Variants in CACNA1B observed in about 807,000 individuals in gnomAD.
CACNA1B encodes calcium voltage-gated channel subunit alpha1 B.
In CACNA1B, 70 loss-of-function variants were observed where a neutral mutation model predicts 247.2. That is an observed-to-expected ratio of 0.28 (90% CI 0.23 to 0.35). The LOEUF (loss-of-function observed/expected upper bound fraction) is 0.35, where lower values mean the gene tolerates loss of function less well. Ranked by LOEUF, CACNA1B falls within the 10% of genes least tolerant of loss-of-function variation. The pLI, the probability that CACNA1B is intolerant of heterozygous loss-of-function variation, is 1.00. For missense variants in CACNA1B, 2,367 were observed against 3,197.4 expected (o/e 0.74, Z 6.26); for synonymous variants, 1,231 against 1,294.4 (o/e 0.95, Z 1.05).
At chr9:138,096,460 C>G (rs1961059727) in intron 36 of CACNA1B, 24 bp from the exon 37 acceptor site, 2 of 1,610,138 alleles carry the variant, frequency 1.2e-6, no homozygotes, top group East Asian at 2.2e-5. Context: ...CTCTCCGTCA[C>G]CTGTTCTCCT....
In CACNA1B at chr9:138,121,512, G is replaced by C. The variant is rs1354610987; in HGVS notation, c.6533G>C (p.Gly2178Ala). ...VNGSPLLSTS[G>A]ASTPGRGGRR... ...GGGAGCCCCTTGCTGTCAACATCTG[G>C]TGCTAGCACCCCCGGCCGCGGTGGG... The change falls in exon 47 of 47, where the codon GGT (glycine) becomes GCT (alanine). Residue 2178 changes from glycine to alanine, a missense_variant. Physicochemically the swap from Gly to Ala is moderately conservative, Grantham distance 60. Around this residue, in one of 12 missense-constraint regions of CACNA1B, gnomAD observed 773 missense variants for 779.4 expected, o/e 0.99. Coordinates refer to ENST00000371372, the MANE Select transcript of CACNA1B (RefSeq NM_000718.4). The surrounding 1 kb of genome is among the most constrained non-coding windows in gnomAD (Gnocchi z 6.8). 2.6e-6 allele frequency: 4 copies of C among 1,565,884 alleles called. No homozygotes were observed. The highest frequency in any genetic ancestry group is 3.5e-6 in the Non-Finnish European group (4 of 1,154,004).
chr9:138,065,386 G>A (rs1236375273), intron 31 of CACNA1B, among the ~76,000 whole-genome samples: 3 of 152,124 alleles, frequency 2.0e-5, no homozygotes, highest in Non-Finnish European at 4.4e-5. Context: ...GGGAGGGTGA[G>A]TACCATCGTG....
chr9:137,898,840 C>T lies in CACNA1B; in HGVS notation c.531-14340C>T, dbSNP rs142069095. Among the ~76,000 whole-genome samples, 49 of 152,086 alleles carry T rather than the reference C, an allele frequency of 3.2e-4. No individual in the cohort carries two copies. In the East Asian group the frequency reaches 9.1e-3, roughly 28 times the overall value. ...GGGACTATAGGCACCCGTCCCCATG[C>T]CCACTTAATTTTTTGTATTTTTAGT... is the stretch of plus-strand genomic sequence containing the variant. On this transcript the variant is annotated intron_variant, in intron 3 of 46. Transcript: ENST00000371372.
rs981023671 is a variant in CACNA1B, at chr9:138,047,095, A to G, written c.3543+62A>G. 7.5e-6 allele frequency: 11 copies of G among 1,472,804 alleles called. No individual in the cohort carries two copies. The African/African-American group carries it at 9.8e-5, about 13-fold the overall frequency. 91.2% of individuals were successfully genotyped at this position (1,472,804 alleles called of 1,614,324 possible). A position where few individuals can be genotyped will look rare whatever the true frequency, so the allele number is the denominator to read the frequency against. ...TGGCGGGGGAGCTGGGTGCCTTCCC[A>G]GGGGCCCAAGGGGCTGGGGTGGGGC... is the stretch of plus-strand genomic sequence containing the variant. On this transcript the variant is annotated intron_variant, in intron 22 of 46. Coordinates refer to ENST00000371372, the MANE Select transcript of CACNA1B (RefSeq NM_000718.4).
At chr9:138,083,166 A>G (rs534138748) in intron 36 of CACNA1B, among the ~76,000 whole-genome samples, 6 of 151,130 alleles carry the variant, frequency 4.0e-5, no homozygotes, top group Non-Finnish European at 8.8e-5. Flanking sequence ...CCTGTGGCCC[A>G]CGTGGCTACT....
intron 18 of CACNA1B, chr9:138,017,181 T>C: frequency 1.9e-6 from 1 of 519,114 alleles, no homozygotes; most frequent in Middle Eastern, 3.2e-4. Context: ...GCAGCTCATC[T>C]GTCTCCAGCG....
chr9:137,913,491 C>T lies in CACNA1B; in HGVS notation c.622+220C>T, dbSNP rs1589001429. On this transcript the variant is annotated intron_variant, in intron 4 of 46. Transcript: ENST00000371372. The surrounding 1 kb of genome is among the most constrained non-coding windows in gnomAD (Gnocchi z 5.2). ...GGGTGATGCTGTTATTTTACCCTGA[C>T]CTGGCTTCCCTAGATGGAAGCTTTG... 1.3e-5 allele frequency among the ~76,000 whole-genome samples: 2 copies of T among 152,288 alleles called. No individual in the cohort carries two copies. The highest frequency in any genetic ancestry group is 6.5e-5 in the Admixed American group (1 of 15,298).
At chr9:138,118,108 C>CCCCGG (rs2131370885) in intron 43 of CACNA1B, 27 bp downstream of exon 43, 1 of 1,141,582 alleles carries the variant, frequency 8.8e-7, no homozygotes, top group East Asian at 7.0e-5. Flanking sequence ...GCTAGTGAGA[C>CCCCGG]TGGGTTGGGG....
rs985832442 is a variant in CACNA1B at position 137,955,066 on chromosome 9, C to T, written c.1071-632C>T. Reference sequence around the variant, plus strand: ...CTCAGGCGGGGCTGGGGTGAGATGTCGGGGGCCAATGACAGAAGGTCTCCT... The same window carrying T: ...CTCAGGCGGGGCTGGGGTGAGATGTTGGGGGCCAATGACAGAAGGTCTCCT... On this transcript the variant is annotated intron_variant, in intron 7 of 46. Transcript: ENST00000371372. This position sits in a 1 kb window ranked among gnomAD's most constrained non-coding sequence, Gnocchi z 6.9. 2.6e-5 allele frequency among the ~76,000 whole-genome samples: 4 copies of T among 152,036 alleles called. No homozygotes were observed. Among genetic ancestry groups the T allele is most frequent in the African/African-American group, 9.7e-5 (4 of 41,440 alleles).
intron 19 of CACNA1B, among the ~76,000 whole-genome samples, chr9:138,024,675 G>A (rs1315724512): frequency 6.6e-6 from 1 of 152,132 alleles, no homozygotes; most frequent in Non-Finnish European, 1.5e-5. Context: ...GTCGCCCAGG[G>A]TGGAGTGCAG....
chr9:137,879,298 C>A, intron 2 of CACNA1B, 139 bp downstream of exon 2: 1 of 624,830 alleles, frequency 1.6e-6, no homozygotes, highest in Non-Finnish European at 2.8e-6. Context: ...AAAAGGTAGG[C>A]CTGGCAGATA....
chr9:138,044,861 CAT>C (rs1010132194), intron 21 of CACNA1B, among the ~76,000 whole-genome samples: 5 of 152,258 alleles, frequency 3.3e-5, no homozygotes, highest in African/African-American at 4.8e-5. Context: ...ATCCAACACA[CAT>C]GTCTTGGGAG....
At chr9:137,991,850 A>G (rs1017662476) in intron 15 of CACNA1B, among the ~76,000 whole-genome samples, 1 of 152,240 alleles carries the variant, frequency 6.6e-6, no homozygotes, top group African/African-American at 2.4e-5. Context: ...AGCCTCATAA[A>G]TGAAGGAATG....
Position 138,102,858 on chromosome 9 carries a change from G to T in CACNA1B, c.5319+51G>T. On this transcript the variant is annotated intron_variant, in intron 38 of 46. Transcript: ENST00000371372. This position sits in a 1 kb window ranked among gnomAD's most constrained non-coding sequence, Gnocchi z 5.4. ...CCCCAGGAGGCTGTGTGTGCTTGCT[G>T]AGGGGTGCTTGCTGGCTCTCCCAGC... 8.4e-7 allele frequency: 1 copy of T among 1,190,294 alleles called. No individual in the cohort carries two copies. Among genetic ancestry groups the T allele is most frequent in the Non-Finnish European group, 1.2e-6 (1 of 812,422 alleles). The allele number at this position is 1,190,294 out of a possible 1,614,324, so 73.7% of individuals were successfully genotyped here.
intron 35 of CACNA1B, among the ~76,000 whole-genome samples, chr9:138,076,906 A>G (rs904335187): frequency 6.6e-6 from 1 of 152,192 alleles, no homozygotes; most frequent in African/African-American, 2.4e-5. Flanking sequence ...TTCTTTGCAT[A>G]ACATAAGCAA....
rs11137323 is a variant in CACNA1B at position 137,957,319 on chromosome 9, C to A, written c.1244-279C>A. ...TAGTCCTGGCCTTGCCCCAGATGGA[C>A]GTTTCCTGGTCTCCCTGGTGGCCAG... On this transcript the variant is annotated intron_variant, in intron 9 of 46. Coordinates refer to ENST00000371372, the MANE Select transcript of CACNA1B (RefSeq NM_000718.4). This position sits in a 1 kb window ranked among gnomAD's most constrained non-coding sequence, Gnocchi z 4.7. 1.3e-4 allele frequency among the ~76,000 whole-genome samples: 20 copies of A among 152,332 alleles called. No individual in the cohort carries two copies. The highest frequency in any genetic ancestry group is 4.3e-4 in the African/African-American group (18 of 41,584).
chr9:138,010,058 A>G lies in CACNA1B; in HGVS notation c.2141A>G (p.Asn714Ser). ...GCCATCGCTGTGGACAACCTGGCCA[A>G]CGCCCAAGAGCTGACCAAGGTAGGT... ...FLAIAVDNLA[N>S]AQELTKDEEE... The change falls in exon 17 of 47, where the codon AAC becomes AGC. Residue 714 changes from asparagine to serine, a missense_variant. Asn to Ser is a conservative substitution (Grantham distance 46). Around this residue, in one of 12 missense-constraint regions of CACNA1B, gnomAD observed 76 missense variants for 191.0 expected, o/e 0.40. Coordinates refer to ENST00000371372, the MANE Select transcript of CACNA1B (RefSeq NM_000718.4). This position sits in a 1 kb window ranked among gnomAD's most constrained non-coding sequence, Gnocchi z 5.3. 1 of 1,613,766 alleles carries G rather than the reference A, an allele frequency of 6.2e-7. No homozygotes were observed. Among genetic ancestry groups the G allele is most frequent in the Non-Finnish European group, 8.5e-7 (1 of 1,179,680 alleles).
rs367618023 is a variant in CACNA1B at position 137,971,307 on chromosome 9, G to A, written c.1334-76G>A. 6.3e-4 allele frequency: 663 copies of A among 1,051,064 alleles called. 4 individuals carry two copies. In the East Asian group the frequency reaches 6.4e-3, roughly 10 times the overall value. The allele number at this position is 1,051,064 out of a possible 1,614,324, so 65.1% of individuals were successfully genotyped here. A position where few individuals can be genotyped will look rare whatever the true frequency, so the allele number is the denominator to read the frequency against. On this transcript the variant is annotated intron_variant, in intron 10 of 46. Transcript: ENST00000371372. The surrounding 1 kb of genome is among the most constrained non-coding windows in gnomAD (Gnocchi z 4.4). ...TGGGGGCAGGTGTCCTCCAGAGTGC[G>A]TCTGTGGGGGTCCACAGGTGGGGTA...
At chr9:137,980,719 G>A (rs942873140) in intron 12 of CACNA1B, among the ~76,000 whole-genome samples, 2 of 152,086 alleles carry the variant, frequency 1.3e-5, no homozygotes, top group Admixed American at 6.5e-5. Flanking sequence ...TTGTGTCCAT[G>A]TGTATCCTTG....
Sources: allele counts gnomAD v4.1 joint callset (sites outside exome capture counted in the v4.1 genomes callset), GRCh38; gene constraint gnomAD v4.1.1; regional missense constraint gnomAD v4.1.1; non-coding constraint Gnocchi (gnomAD v3.1); transcripts MANE v1.5; gene names NCBI Gene and HGNC (gene_info 2026-07-23, HGNC 2026-07-21).